Variants in RGS10 observed in about 807,000 individuals in gnomAD.
RGS10 encodes the protein regulator of G-protein signalling 10.
In RGS10, 11 loss-of-function variants were observed where a neutral mutation model predicts 23.5. The ratio of observed to expected loss-of-function variants is 0.47; its 90% CI spans 0.29 to 0.77. RGS10 has a LOEUF of 0.77. Among genes scored for constraint, RGS10 ranks in the 30% least tolerant of loss-of-function variants. The pLI is 0.08. For missense variants in RGS10, 180 were observed against 226.3 expected (o/e 0.80, Z 1.31); for synonymous variants, 77 against 83.2 (o/e 0.92, Z 0.41).
chr10:119,542,022 G>A (rs552537502), intron 1 of RGS10, among the ~76,000 whole-genome samples: 1 of 152,350 alleles, frequency 6.6e-6, no homozygotes, highest in South Asian at 2.1e-4. Context: ...CCTTCGTAAC[G>A]TCAGAACTTC....
At chr10:119,513,009 A>G (rs1345957871) in intron 4 of RGS10, among the ~76,000 whole-genome samples, 1 of 152,232 alleles carries the variant, frequency 6.6e-6, no homozygotes, top group African/African-American at 2.4e-5. Flanking sequence ...TATAGAAAAA[A>G]AGATGGAAAG....
At chr10:119,521,444 C>T (rs1844211140) in intron 3 of RGS10, among the ~76,000 whole-genome samples, 1 of 151,558 alleles carries the variant, frequency 6.6e-6, no homozygotes, top group Admixed American at 6.6e-5. Flanking sequence ...TTGGAGGGTG[C>T]CTGTAATCCC....
chr10:119,503,871 T>C (rs1305443113), intron 4 of RGS10, among the ~76,000 whole-genome samples: 1 of 152,214 alleles, frequency 6.6e-6, no homozygotes, highest in Non-Finnish European at 1.5e-5. Flanking sequence ...TGTTTAATGT[T>C]AATTACCCCT....
chr10:119,532,791 A>C (rs1180169062), intron 1 of RGS10, among the ~76,000 whole-genome samples: 1 of 152,084 alleles, frequency 6.6e-6, no homozygotes. Flanking sequence ...CAGTGAGCCG[A>C]GATGGCACCA....
intron 4 of RGS10, among the ~76,000 whole-genome samples, chr10:119,504,560 T>A (rs1002519280): frequency 2.0e-5 from 3 of 152,178 alleles, no homozygotes; most frequent in Non-Finnish European, 4.4e-5. Context: ...TGAATGGTGT[T>A]CCCCCAAACT....
intron 4 of RGS10, among the ~76,000 whole-genome samples, chr10:119,512,717 T>C (rs1402134550): frequency 6.6e-6 from 1 of 152,072 alleles, no homozygotes; most frequent in Non-Finnish European, 1.5e-5. Flanking sequence ...CTGGCTAATT[T>C]TTGTATTTTT....
intron 4 of RGS10, among the ~76,000 whole-genome samples, chr10:119,503,822 A>T (rs1175441259): frequency 6.6e-6 from 1 of 152,138 alleles, no homozygotes; most frequent in Non-Finnish European, 1.5e-5. Flanking sequence ...TCTCACAAGG[A>T]CACTAGTCAG....
chr10:119,530,641 A>G (rs1331883306), intron 1 of RGS10, among the ~76,000 whole-genome samples: 1 of 152,364 alleles, frequency 6.6e-6, no homozygotes, highest in East Asian at 1.9e-4. Flanking sequence ...CCTGGGCAAC[A>G]TAGTGAAATC....
At chr10:119,536,840 G>C (rs188345678) in intron 1 of RGS10, among the ~76,000 whole-genome samples, 1 of 152,014 alleles carries the variant, frequency 6.6e-6, no homozygotes. Context: ...ACATTTCTGC[G>C]TAAAGCTGCC....
chr10:119,507,498 T>C (rs1013232699), intron 4 of RGS10, among the ~76,000 whole-genome samples: 1 of 151,150 alleles, frequency 6.6e-6, no homozygotes, highest in Non-Finnish European at 1.5e-5. Context: ...TCAAAGAAAC[T>C]GCATTGCTAA....
chr10:119,540,714 TTCTA>T lies in RGS10; in HGVS notation c.49+1872_49+1875del, dbSNP rs1311095846. 3.9e-5 allele frequency among the ~76,000 whole-genome samples: 6 copies of T among 152,314 alleles called. No individual in the cohort carries two copies. The South Asian group carries it at 6.2e-4, about 16-fold the overall frequency. On this transcript the variant is annotated intron_variant, in intron 1 of 4. Transcript: ENST00000369103. The stretch of plus-strand genomic sequence containing the variant: ...CCATGTATCTCCCAGGATACAATGG[TTCTA>T]TCTGTCAGTCTTCAACCCAAAAGCA...
chr10:119,521,268 A>AAAAAG (rs892201756), intron 3 of RGS10, among the ~76,000 whole-genome samples: 1 of 152,104 alleles, frequency 6.6e-6, no homozygotes. Flanking sequence ...ACCCTGTCTC[A>AAAAAG]AAAAGAAAAG....
intron 4 of RGS10, chr10:119,515,281 G>GTGTAGAC: frequency 1.8e-6 from 1 of 555,402 alleles, no homozygotes; most frequent in East Asian, 3.2e-5. Context: ...TCTAAACTGT[G>GTGTAGAC]TGTAGACCAA....
In RGS10 at chr10:119,523,975, C is replaced by T. The variant is rs141885045; in HGVS notation, c.255+2057G>A. On this transcript the variant is annotated intron_variant, in intron 3 of 4. Transcript: ENST00000369103. ...AAACATGCCATTCAGCCCTTCTGGTCTTCCCTCAGCTCTTGTCGCCAGCCC... is the reference window on the plus strand; with the variant it reads ...AAACATGCCATTCAGCCCTTCTGGTTTTCCCTCAGCTCTTGTCGCCAGCCC... 1.9e-3 allele frequency among the ~76,000 whole-genome samples: 284 copies of T among 152,278 alleles called. 3 individuals carry two copies. The highest frequency in any genetic ancestry group is 6.3e-3 in the African/African-American group (263 of 41,558).
chr10:119,536,423 G>A, intron 1 of RGS10: 1 of 1,596,604 alleles, frequency 6.3e-7, no homozygotes, highest in African/African-American at 1.3e-5. Flanking sequence ...AAGGCGACAG[G>A]CAAACTGCGG....
intron 1 of RGS10, among the ~76,000 whole-genome samples, chr10:119,536,882 G>C (rs115476367): frequency 6.6e-6 from 1 of 152,110 alleles, no homozygotes. Flanking sequence ...AATCTGTCCC[G>C]CACCCTCCCT....
At chr10:119,537,871 G>A (rs1414385236) in intron 1 of RGS10, among the ~76,000 whole-genome samples, 1 of 152,118 alleles carries the variant, frequency 6.6e-6, no homozygotes, top group African/African-American at 2.4e-5. Context: ...CTTTACGTGG[G>A]GCACAGTGCA....
rs1844160243 is a variant in RGS10 at position 119,517,513 on chromosome 10, C to A, written c.256-1861G>T. On this transcript the variant is annotated intron_variant, in intron 3 of 4. Transcript: ENST00000369103. The surrounding 1 kb of genome is among the most constrained non-coding windows in gnomAD (Gnocchi z 5.0). ...TGAAGCCACAGCCTCCCTCCACCAC[C>A]CCCATTCCGTCAGGAAGCAACCCTT... Among the ~76,000 whole-genome samples, 1 of 152,226 alleles carries A rather than the reference C, an allele frequency of 6.6e-6. No homozygotes were observed. The highest frequency in any genetic ancestry group is 2.4e-5 in the African/African-American group (1 of 41,464).
At chr10:119,514,936 T>G (rs572982619) in intron 4 of RGS10, among the ~76,000 whole-genome samples, 1 of 152,236 alleles carries the variant, frequency 6.6e-6, no homozygotes, top group East Asian at 1.9e-4. Context: ...TGGCTCAAAT[T>G]CACCACTTCC....
Sources: gnomAD v4.1 joint callset for allele counts (sites outside exome capture counted in the v4.1 genomes callset) on GRCh38, gnomAD v4.1.1 for gene constraint, Gnocchi (gnomAD v3.1) non-coding constraint, MANE v1.5 for transcripts, NCBI Gene and HGNC (gene_info 2026-07-23, HGNC 2026-07-21) for gene names.